The following ANKRD11 variants were observed in gnomAD, a reference collection of about 807,000 sequenced individuals.
ANKRD11 encodes the protein ankyrin repeat domain-containing protein 11.
A neutral mutation model predicts 195.7 loss-of-function variants in ANKRD11; 17 were observed. The observed-to-expected ratio is 0.09, with a 90% confidence interval of 0.06 to 0.13. ANKRD11 has a LOEUF of 0.13. ANKRD11 is among the 10% of genes least tolerant of loss of function. The probability of loss-of-function intolerance (pLI) is 1.00; values close to 1 mark genes in which losing one functional copy is unlikely to be tolerated. For missense variants in ANKRD11, 3,735 were observed against 3,566.1 expected (o/e 1.05, Z -1.21); for synonymous variants, 1,953 against 1,528.1 (o/e 1.28, Z -6.49).
chr16:89,384,879 C>CTTTCTTTTTTTT (rs2040832957), intron 2 of ANKRD11, among the ~76,000 whole-genome samples: 1 of 49,910 alleles, frequency 2.0e-5, no homozygotes, highest in African/African-American at 7.9e-5. Flanking sequence ...AAATAGTTTT[C>CTTTCTTTTTTTT]TTTTTTTTTT....
intron 1 of ANKRD11, among the ~76,000 whole-genome samples, chr16:89,428,398 C>T (rs544328977): frequency 8.6e-5 from 13 of 151,812 alleles, no homozygotes; most frequent in African/African-American, 7.3e-5. Context: ...TGGTGGCGGG[C>T]GCCTATAGTC....
At chr16:89,482,202 AAAG>A (rs748675269) in intron 1 of ANKRD11, among the ~76,000 whole-genome samples, 27 of 152,290 alleles carry the variant, frequency 1.8e-4, no homozygotes, top group Non-Finnish European at 3.5e-4. Flanking sequence ...CTTCCAGCTA[AAAG>A]AAGACACAAA....
At chr16:89,486,497 G>A (rs1322360591) in intron 1 of ANKRD11, among the ~76,000 whole-genome samples, 1 of 151,356 alleles carries the variant, frequency 6.6e-6, no homozygotes, top group Non-Finnish European at 1.5e-5. Flanking sequence ...ACACTAAGAC[G>A]CAAAGGCTGA....
At chr16:89,387,981 C>T (rs1423959490) in intron 2 of ANKRD11, among the ~76,000 whole-genome samples, 1 of 150,772 alleles carries the variant, frequency 6.6e-6, no homozygotes, top group East Asian at 1.9e-4. Flanking sequence ...CCACCGCACT[C>T]CAGCCTGGGC....
At position 89,285,309 on chromosome 16, in the gene ANKRD11, C is replaced by T. The variant is rs768010691; in HGVS notation, c.1233G>A (p.Ser411=). ...CGGTGACACTCGCGTCCTCCTCGTC[C>T]GACGTGTCTGACAGGATACGATGGG... is the stretch of plus-strand genomic sequence containing the variant. ...KASHRILSDT[S]DEEDASVTVG... The change falls in exon 9 of 13, where the codon TCG becomes TCA. Residue 411 remains serine, a synonymous_variant. Transcript: ENST00000301030. This position sits in a 1 kb window ranked among gnomAD's most constrained non-coding sequence, Gnocchi z 5.6. 3.3e-5 allele frequency: 54 copies of T among 1,613,818 alleles called. No individual in the cohort carries two copies. Among genetic ancestry groups the T allele is most frequent in the African/African-American group, 5.3e-5 (4 of 74,920 alleles).
chr16:89,283,597 T>G lies in ANKRD11; in HGVS notation c.2945A>C (p.Glu982Ala). The change falls in exon 9 of 13, where the codon GAG (glutamate) becomes GCG (alanine). Residue 982 changes from glutamate to alanine, a missense_variant. Transcript: ENST00000301030. This position sits in a 1 kb window ranked among gnomAD's most constrained non-coding sequence, Gnocchi z 4.3. ...HREELKECGC[E>A]SGFKDKSDGD... Reference sequence around the variant, plus strand: ...GTCGGACTTGTCCTTGAAGCCACTCTCGCAGCCACACTCCTTCAGCTCCTC... The same window carrying G: ...GTCGGACTTGTCCTTGAAGCCACTCGCGCAGCCACACTCCTTCAGCTCCTC... The G allele has an allele frequency of 1.2e-6, 2 of 1,610,020 alleles. No homozygotes were observed. The highest frequency in any genetic ancestry group is 1.7e-6 in the Non-Finnish European group (2 of 1,179,950).
rs143240956 is a variant in ANKRD11 at position 89,282,717 on chromosome 16, G to C, written c.3825C>G (p.Asp1275Glu). The change falls in exon 9 of 13, where the codon GAC becomes GAG. Residue 1275 changes from aspartate to glutamate, a missense_variant. Physicochemically the swap from Asp to Glu is conservative, Grantham distance 45. Coordinates refer to ENST00000301030, the MANE Select transcript of ANKRD11 (RefSeq NM_013275.6). ...ACTTTTCAAGCAGGCTTTTTTCCGC[G>C]TCGGCACTTCTCGAGGACTTCCTCT... ...SKERKSSRSA[D>E]AEKSLLEKLE... The C allele has an allele frequency of 6.2e-6, 10 of 1,613,788 alleles. No individual in the cohort carries two copies. The highest frequency in any genetic ancestry group is 1.1e-5 in the South Asian group (1 of 91,084).
At chr16:89,450,008 T>G (rs2043996530) in intron 1 of ANKRD11, among the ~76,000 whole-genome samples, 1 of 152,152 alleles carries the variant, frequency 6.6e-6, no homozygotes. Flanking sequence ...GGGGAGCACT[T>G]TATCTCACAA....
rs1206973773 is a variant in ANKRD11 at position 89,349,899 on chromosome 16, CACACACACACACAT to C, written c.-59-32835_-59-32822del. ...ACACACACACACACACACACACACA[CACACACACACACAT>C]ATTCAAACAACAAATAGCTGGTAAA... On this transcript the variant is annotated intron_variant, in intron 2 of 12. Coordinates refer to ENST00000301030, the MANE Select transcript of ANKRD11 (RefSeq NM_013275.6). Among the ~76,000 whole-genome samples the C allele has an allele frequency of 8.3e-3, 1,128 of 135,634 alleles. 6 individuals are homozygous for C. Among genetic ancestry groups the C allele is most frequent in the South Asian group, 0.024 (103 of 4,382 alleles). 89.0% of individuals were successfully genotyped at this position (135,634 alleles called of 152,430 possible).
intron 2 of ANKRD11, among the ~76,000 whole-genome samples, chr16:89,327,146 G>A (rs1181641368): frequency 6.6e-6 from 1 of 151,924 alleles, no homozygotes; most frequent in African/African-American, 2.4e-5. Flanking sequence ...TCTGATGACA[G>A]CGAAATATGT....
rs2056761711 is a variant in ANKRD11, at chr16:89,463,222, GGAA to G, written c.-145+27020_-145+27022del. Among the ~76,000 whole-genome samples the G allele has an allele frequency of 2.0e-5, 3 of 152,252 alleles. No individual in the cohort carries two copies. The East Asian group carries it at 5.8e-4, about 29-fold the overall frequency. On this transcript the variant is annotated intron_variant, in intron 1 of 12. Coordinates refer to ENST00000301030, the MANE Select transcript of ANKRD11 (RefSeq NM_013275.6). ...GCCATGATGACAGTGGCGGTTTTGT[GGAA>G]TAGAAAGCGGGGAAAGGTGGGGAAA...
chr16:89,420,618 G>C (rs997455597), intron 1 of ANKRD11, among the ~76,000 whole-genome samples: 1 of 152,192 alleles, frequency 6.6e-6, no homozygotes, highest in Non-Finnish European at 1.5e-5. Context: ...CTGGTCTGAA[G>C]GTCTTTTCTT....
chr16:89,373,603 T>C (rs1388512987), intron 2 of ANKRD11: 1 of 152,284 alleles, frequency 6.6e-6, no homozygotes, highest in East Asian at 1.9e-4. Context: ...GGCATGTGAC[T>C]GAGGCTGACG....
At chr16:89,385,280 C>T (rs2040859057) in intron 2 of ANKRD11, among the ~76,000 whole-genome samples, 2 of 152,094 alleles carry the variant, frequency 1.3e-5, no homozygotes, top group African/African-American at 2.4e-5. Context: ...AGGTGTCTGC[C>T]ACCATGCCCA....
chr16:89,373,577 T>C (rs951136418), intron 2 of ANKRD11: 2 of 152,248 alleles, frequency 1.3e-5, no homozygotes, highest in Non-Finnish European at 2.9e-5. Context: ...ACACCAGCGA[T>C]TCGAGAGAAA....
chr16:89,363,384 G>C (rs1208925192), intron 2 of ANKRD11, among the ~76,000 whole-genome samples: 1 of 152,006 alleles, frequency 6.6e-6, no homozygotes, highest in East Asian at 1.9e-4. Context: ...TAAATGACGA[G>C]TTAATGGGTG....
intron 1 of ANKRD11, among the ~76,000 whole-genome samples, chr16:89,440,276 G>C (rs1369154732): frequency 6.6e-6 from 1 of 152,158 alleles, no homozygotes; most frequent in Non-Finnish European, 1.5e-5. Flanking sequence ...CCTGGGGGGA[G>C]GGATAAATAA....
intron 2 of ANKRD11, among the ~76,000 whole-genome samples, chr16:89,356,641 C>T (rs1177265997): frequency 2.7e-5 from 4 of 149,948 alleles, no homozygotes; most frequent in Non-Finnish European, 4.5e-5. Context: ...ATTAGCCAGG[C>T]GTGGTGGTGG....
intron 3 of ANKRD11, among the ~76,000 whole-genome samples, chr16:89,307,357 C>A (rs950920836): frequency 6.6e-6 from 1 of 152,186 alleles, no homozygotes; most frequent in African/African-American, 2.4e-5. Flanking sequence ...TCCACCCAAC[C>A]TGCATCCACC....
Sources: gnomAD v4.1 joint callset for allele counts (sites outside exome capture counted in the v4.1 genomes callset) on GRCh38, gnomAD v4.1.1 for gene constraint, Gnocchi (gnomAD v3.1) non-coding constraint, MANE v1.5 for transcripts, NCBI Gene and HGNC (gene_info 2026-07-23, HGNC 2026-07-21) for gene names.